C12orf54: variants seen among roughly 807,000 people sequenced by gnomAD.
C12orf54 encodes the protein uncharacterized protein C12orf54.
C12orf54 carries 24 observed loss-of-function variants against 26.4 expected under a neutral mutation model. That is an observed-to-expected ratio of 0.91 (90% CI 0.66 to 1.28). C12orf54 has a LOEUF of 1.28. Among genes scored for constraint, C12orf54 ranks in the 50% most tolerant of loss-of-function variants. The probability of loss-of-function intolerance (pLI) is 0.00; values close to 1 mark genes in which losing one functional copy is unlikely to be tolerated. For synonymous variants in C12orf54, 54 were observed against 47.0 expected, an observed-to-expected ratio of 1.15 and a Z score of -0.61; for missense variants, 154 against 150.9, an observed-to-expected ratio of 1.02 and a Z score of -0.11.
the C12orf54 span, among the ~76,000 whole-genome samples, chr12:48,423,102 A>G: frequency 3.3e-5 from 5 of 152,272 alleles, no homozygotes; most frequent in African/African-American, 9.6e-5. Context: ...AAAACAGTTT[A>G]CACCCATCTT....
chr12:48,429,485 T>C, the C12orf54 span, among the ~76,000 whole-genome samples: 1 of 151,516 alleles, frequency 6.6e-6, no homozygotes, highest in African/African-American at 2.4e-5. Flanking sequence ...AGATACAAGA[T>C]AAATGCACAC....
the C12orf54 span, among the ~76,000 whole-genome samples, chr12:48,424,276 A>G: frequency 6.6e-6 from 1 of 152,066 alleles, no homozygotes; most frequent in African/African-American, 2.4e-5. Context: ...TTTTGCATGT[A>G]TATTCATGAG....
chr12:48,445,274 C>T, the C12orf54 span, among the ~76,000 whole-genome samples: 54 of 151,934 alleles, frequency 3.6e-4, no homozygotes, highest in Middle Eastern at 3.4e-3. Flanking sequence ...GAGAACAGAC[C>T]TAATTGGGAG....
the C12orf54 span, among the ~76,000 whole-genome samples, chr12:48,457,109 A>G: frequency 6.6e-6 from 1 of 151,920 alleles, no homozygotes; most frequent in Non-Finnish European, 1.5e-5. Flanking sequence ...TCTCTGTGTA[A>G]TATGTCCCCA....
intron 4 of C12orf54, chr12:48,487,925 C>G: frequency 3.2e-6 from 2 of 630,684 alleles, no homozygotes; most frequent in Non-Finnish European, 5.7e-6. Context: ...AGCCCTGGCC[C>G]TGGATCCTAT....
chr12:48,415,135 A>G, the C12orf54 span, among the ~76,000 whole-genome samples: 1 of 152,186 alleles, frequency 6.6e-6, no homozygotes, highest in Non-Finnish European at 1.5e-5. Flanking sequence ...CCTCCATCCT[A>G]GCTAAAATCC....
At chr12:48,480,973 C>T (rs1394825801), upstream of C12orf54, among the ~76,000 whole-genome samples, 2 of 152,072 alleles carry the variant, frequency 1.3e-5, no homozygotes, top group Admixed American at 6.6e-5. Flanking sequence ...AAACAGAAAA[C>T]CAAATACCAC....
At chr12:48,482,773 C>A (rs1367849058) in intron 1 of C12orf54, among the ~76,000 whole-genome samples, 197 bp downstream of exon 1, 1 of 149,120 alleles carries the variant, frequency 6.7e-6, no homozygotes, top group African/African-American at 2.5e-5. Context: ...CTCCTCTATC[C>A]TTAGTTAACC....
At chr12:48,489,661 C>A (rs1474339187) in intron 5 of C12orf54, among the ~76,000 whole-genome samples, 1 of 152,078 alleles carries the variant, frequency 6.6e-6, no homozygotes, top group Non-Finnish European at 1.5e-5. Context: ...AAGCCATCTG[C>A]CAGCCTTGGC....
the C12orf54 span, among the ~76,000 whole-genome samples, chr12:48,441,094 C>T: frequency 5.9e-5 from 9 of 152,230 alleles, no homozygotes; most frequent in South Asian, 2.1e-4. Context: ...ATTTATCTAA[C>T]GTATGTGTTG....
the C12orf54 span, among the ~76,000 whole-genome samples, chr12:48,431,078 A>C: frequency 6.6e-6 from 1 of 152,224 alleles, no homozygotes; most frequent in Non-Finnish European, 1.5e-5. Context: ...GTTCTCACCC[A>C]TATGTGGGAC....
At chr12:48,428,442 A>G in the C12orf54 span, among the ~76,000 whole-genome samples, 1 of 152,152 alleles carries the variant, frequency 6.6e-6, no homozygotes, top group African/African-American at 2.4e-5. Context: ...CAACAAAAGA[A>G]GACAGAAAAT....
At chr12:48,456,629 G>T in the C12orf54 span, among the ~76,000 whole-genome samples, 5 of 152,144 alleles carry the variant, frequency 3.3e-5, no homozygotes, top group African/African-American at 1.2e-4. Context: ...CTGGAAAATG[G>T]CTTTGACAAT....
chr12:48,462,374 C>CT, the C12orf54 span, among the ~76,000 whole-genome samples: 158 of 151,568 alleles, frequency 1.0e-3, 4 homozygotes, highest in South Asian at 0.032. Flanking sequence ...GGAAGGAATA[C>CT]TTCTCAATTA....
the C12orf54 span, among the ~76,000 whole-genome samples, chr12:48,420,086 T>TC: frequency 1.3e-5 from 2 of 152,122 alleles, no homozygotes; most frequent in African/African-American, 4.8e-5. Flanking sequence ...AGTTGGTTTT[T>TC]TTTTTCACTA....
chr12:48,470,103 C>A, the C12orf54 span, among the ~76,000 whole-genome samples: 1 of 152,196 alleles, frequency 6.6e-6, no homozygotes, highest in Non-Finnish European at 1.5e-5. Flanking sequence ...CATTGATGAG[C>A]ACCTAGGTTG....
chr12:48,439,542 T>G, the C12orf54 span, among the ~76,000 whole-genome samples: 1 of 152,162 alleles, frequency 6.6e-6, no homozygotes, highest in Non-Finnish European at 1.5e-5. Context: ...ATGTGGCACA[T>G]ATACACCATG....
chr12:48,494,663 A>G (rs933750880), intron 7 of C12orf54, 135 bp from the exon 8 acceptor site: 6 of 962,350 alleles, frequency 6.2e-6, no homozygotes, highest in Non-Finnish European at 9.2e-6. Flanking sequence ...GGAAATTGCA[A>G]CTCCCAGAGC....
the C12orf54 span, among the ~76,000 whole-genome samples, chr12:48,466,680 C>A: frequency 5.3e-5 from 8 of 152,052 alleles, no homozygotes; most frequent in African/African-American, 2.4e-5. Context: ...AATGTCCATA[C>A]CAAATTCTGG....
Sources: allele counts gnomAD v4.1 joint callset (sites outside exome capture counted in the v4.1 genomes callset), GRCh38; gene constraint gnomAD v4.1.1; transcripts MANE v1.5; gene names NCBI Gene and HGNC (gene_info 2026-07-23, HGNC 2026-07-21).